The following DENND1A variants were observed in gnomAD, a reference collection of about 807,000 sequenced individuals.
The protein encoded by DENND1A is DENN domain containing 1A.
DENND1A carries 51 observed loss-of-function variants against 113.7 expected under a neutral mutation model. That is an observed-to-expected ratio of 0.45 (90% CI 0.36 to 0.57). The LOEUF (loss-of-function observed/expected upper bound fraction) is 0.57. DENND1A is among the 20% of genes least tolerant of loss of function. DENND1A has a pLI of 0.00. For missense variants in DENND1A, 1,258 were observed against 1,395.9 expected (o/e 0.90, Z 1.57); for synonymous variants, 565 against 570.8 (o/e 0.99, Z 0.14).
At chr9:123,590,513 C>T (rs1316385565) in intron 11 of DENND1A, among the ~76,000 whole-genome samples, 2 of 152,146 alleles carry the variant, frequency 1.3e-5, no homozygotes, top group African/African-American at 4.8e-5. Flanking sequence ...GGGATGATAA[C>T]CGTACCTACC....
chr9:123,657,491 G>A (rs902080607), intron 8 of DENND1A, among the ~76,000 whole-genome samples: 6 of 152,326 alleles, frequency 3.9e-5, no homozygotes, highest in Non-Finnish European at 8.8e-5. Flanking sequence ...TTAGGGAAAT[G>A]AGATAATCCT....
At chr9:123,765,281 A>C (rs1377562233) in intron 4 of DENND1A, among the ~76,000 whole-genome samples, 1 of 152,182 alleles carries the variant, frequency 6.6e-6, no homozygotes, top group East Asian at 1.9e-4. Flanking sequence ...CTATACCACT[A>C]ACTGGTAGTG....
chr9:123,885,007 A>G (rs865828203), intron 1 of DENND1A, among the ~76,000 whole-genome samples: 3,424 of 147,150 alleles, frequency 0.023, 126 homozygotes, highest in African/African-American at 0.084. Context: ...GCACACACAC[A>G]CACACACACA....
At chr9:123,583,374 T>C in intron 11 of DENND1A, 104 bp from the exon 12 acceptor site, 1 of 806,350 alleles carries the variant, frequency 1.2e-6, no homozygotes, top group Non-Finnish European at 2.0e-6. Flanking sequence ...AAAGTGACAT[T>C]TGACAAAGTC....
At chr9:123,790,402 A>G (rs1348286357) in intron 3 of DENND1A, among the ~76,000 whole-genome samples, 1 of 152,094 alleles carries the variant, frequency 6.6e-6, no homozygotes, top group African/African-American at 2.4e-5. Context: ...AAAAAAGGAA[A>G]TCGTATGTGT....
At position 123,459,637 on chromosome 9, in the gene DENND1A, C is replaced by T. The variant is rs148702616; in HGVS notation, c.994-1740G>A. ...TACACAGACAAGTCTTTAATTTCAGCGGTGTATTCTCAATTCTGAAAGATC... is the reference window on the plus strand; with the variant it reads ...TACACAGACAAGTCTTTAATTTCAGTGGTGTATTCTCAATTCTGAAAGATC... On this transcript the variant is annotated intron_variant, in intron 13 of 23. Transcript: ENST00000394215. 4.1e-4 allele frequency among the ~76,000 whole-genome samples: 63 copies of T among 152,098 alleles called. 2 individuals are homozygous for T. The highest frequency in any genetic ancestry group is 2.5e-3 in the East Asian group (13 of 5,182).
intron 7 of DENND1A, among the ~76,000 whole-genome samples, chr9:123,668,644 T>C (rs1163609938): frequency 1.3e-5 from 2 of 152,192 alleles, no homozygotes; most frequent in African/African-American, 4.8e-5. Context: ...CTGTTATACC[T>C]GTGCTTTTTA....
intron 3 of DENND1A, among the ~76,000 whole-genome samples, chr9:123,775,156 T>TA (rs1415445056): frequency 1.3e-5 from 2 of 152,330 alleles, no homozygotes; most frequent in East Asian, 3.9e-4. Flanking sequence ...AAATGAGAGC[T>TA]ATATTTATAA....
chr9:123,538,900 G>A (rs904322556), intron 13 of DENND1A, among the ~76,000 whole-genome samples: 2 of 139,422 alleles, frequency 1.4e-5, no homozygotes, highest in African/African-American at 5.3e-5. Context: ...TGTCACCTTT[G>A]GAGGATGATA....
rs556369730 is a variant in DENND1A, at chr9:123,728,794, C to A, written c.302+28909G>T. Among the ~76,000 whole-genome samples the A allele has an allele frequency of 7.2e-4, 110 of 152,206 alleles. 2 individuals carry two copies. Among genetic ancestry groups the A allele is most frequent in the African/African-American group, 2.5e-3 (104 of 41,524 alleles). Reference sequence around the variant, plus strand: ...CATCAGCATAATCCTGATACCAAAACCTGGCAGAGACACAACAAAAAAAGG... The same window carrying A: ...CATCAGCATAATCCTGATACCAAAAACTGGCAGAGACACAACAAAAAAAGG... On this transcript the variant is annotated intron_variant, in intron 5 of 23. Coordinates refer to ENST00000394215, the MANE Select transcript of DENND1A (RefSeq NM_001352964.2).
intron 13 of DENND1A, among the ~76,000 whole-genome samples, chr9:123,539,746 G>A (rs1408310698): frequency 3.3e-5 from 5 of 152,024 alleles, no homozygotes; most frequent in Admixed American, 6.5e-5. Flanking sequence ...AGCCGGGCAC[G>A]GTGGCGGGCG....
At chr9:123,614,147 C>T (rs189029088) in intron 10 of DENND1A, among the ~76,000 whole-genome samples, 6 of 152,276 alleles carry the variant, frequency 3.9e-5, no homozygotes, top group East Asian at 3.9e-4. Context: ...TTAGGAAACA[C>T]GCTCAGAAAG....
chr9:123,408,425 G>C (rs2044054343), intron 20 of DENND1A, among the ~76,000 whole-genome samples: 1 of 152,210 alleles, frequency 6.6e-6, no homozygotes, highest in South Asian at 2.1e-4. Context: ...ACATGCCAGG[G>C]ACTGTGCTAG....
At chr9:123,667,709 G>A (rs2063559391) in intron 7 of DENND1A, among the ~76,000 whole-genome samples, 1 of 152,216 alleles carries the variant, frequency 6.6e-6, no homozygotes, top group African/African-American at 2.4e-5. Flanking sequence ...TGAGGCAAGT[G>A]TATTCTAGGA....
chr9:123,722,815 C>T (rs1564138497), intron 5 of DENND1A, among the ~76,000 whole-genome samples: 1 of 152,234 alleles, frequency 6.6e-6, no homozygotes, highest in Non-Finnish European at 1.5e-5. Context: ...GGAGTGGGGG[C>T]CCTCATGGAG....
At chr9:123,852,275 G>A (rs962645328) in intron 2 of DENND1A, among the ~76,000 whole-genome samples, 6 of 152,098 alleles carry the variant, frequency 3.9e-5, no homozygotes, top group Non-Finnish European at 8.8e-5. Context: ...ATTTAGTTCC[G>A]GAGATTGAGG....
chr9:123,530,764 G>A (rs1330732493), intron 13 of DENND1A, among the ~76,000 whole-genome samples: 2 of 152,096 alleles, frequency 1.3e-5, no homozygotes, highest in African/African-American at 2.4e-5. Flanking sequence ...AGATAGTATC[G>A]AACCCTAAAC....
chr9:123,498,028 C>G lies in DENND1A; in HGVS notation c.994-40131G>C, dbSNP rs187206715. On this transcript the variant is annotated intron_variant, in intron 13 of 23. Transcript: ENST00000394215. ...ATGCACAGGGATGAAGAAAGATATG[C>G]GCAATTTTAGGGCTCATGTCAGAAA... Among the ~76,000 whole-genome samples the G allele has an allele frequency of 2.6e-5, 4 of 152,116 alleles. No individual in the cohort carries two copies. In the South Asian group the frequency reaches 8.3e-4, roughly 31 times the overall value.
chr9:123,614,417 T>C (rs2060550826), intron 10 of DENND1A, among the ~76,000 whole-genome samples: 1 of 152,220 alleles, frequency 6.6e-6, no homozygotes, highest in Non-Finnish European at 1.5e-5. Flanking sequence ...AGCAAGAATA[T>C]GGAAACTGCA....
Sources: allele counts gnomAD v4.1 joint callset (sites outside exome capture counted in the v4.1 genomes callset), GRCh38; gene constraint gnomAD v4.1.1; transcripts MANE v1.5; gene names NCBI Gene and HGNC (gene_info 2026-07-23, HGNC 2026-07-21).